PDCD11: variants seen among roughly 807,000 people sequenced by gnomAD.
PDCD11 encodes the protein programmed cell death 11.
Under a neutral mutation model 198.9 loss-of-function variants are expected in PDCD11, and 97 were observed. That is an observed-to-expected ratio of 0.49 (90% CI 0.41 to 0.58). The LOEUF is 0.58. Among genes scored for constraint, PDCD11 ranks in the 20% least tolerant of loss-of-function variants. The pLI is 0.00. For synonymous variants in PDCD11, 893 were observed against 918.0 expected (o/e 0.97, Z 0.49); for missense variants, 2,102 against 2,312.7 (o/e 0.91, Z 1.87).
chr10:103,439,630 T>C (rs1592141242), intron 27 of PDCD11, 116 bp from the exon 28 acceptor site: 41 of 1,167,982 alleles, frequency 3.5e-5, no homozygotes, highest in Middle Eastern at 3.9e-4. Context: ...CAGGAACTTA[T>C]GTCTGTCACA....
At chr10:103,418,690 G>A (rs1441838793) in intron 15 of PDCD11, 56 bp downstream of exon 15, 2 of 1,450,724 alleles carry the variant, frequency 1.4e-6, no homozygotes, top group African/African-American at 2.8e-5. Context: ...TGGGTGCTTG[G>A]ATGGGAAATT....
At chr10:103,419,511 G>C (rs2031302460) in intron 15 of PDCD11, 27 bp from the exon 16 acceptor site, 2 of 1,604,400 alleles carry the variant, frequency 1.2e-6, no homozygotes, top group African/African-American at 2.7e-5. Flanking sequence ...GCCCTTTCTG[G>C]AACATTCCTT....
chr10:103,444,122 AGG>A, intron 34 of PDCD11, 54 bp downstream of exon 34: 1 of 1,502,212 alleles, frequency 6.7e-7, no homozygotes, highest in East Asian at 2.3e-5. Context: ...ATCGGGGAGT[AGG>A]AACTGGCTGT....
chr10:103,404,950 C>A, intron 4 of PDCD11, 72 bp from the exon 5 acceptor site: 2 of 1,452,344 alleles, frequency 1.4e-6, no homozygotes, highest in South Asian at 1.3e-5. Context: ...AGTCACTGAG[C>A]CAAAGCTGGG....
At chr10:103,406,170 A>C in intron 6 of PDCD11, 62 bp downstream of exon 6, 4 of 1,579,978 alleles carry the variant, frequency 2.5e-6, no homozygotes, top group Non-Finnish European at 3.5e-6. Flanking sequence ...GATTATATTT[A>C]AGTGCCATTT....
At position 103,444,610 on chromosome 10, in the gene PDCD11, A is replaced by T; in HGVS notation, c.5372A>T (p.Tyr1791Phe). Residue 1791 changes from tyrosine (Y) to phenylalanine (F), a missense_variant, in exon 35 of 36, where the codon TAC (tyrosine) becomes TTC (phenylalanine). Transcript: ENST00000369797. ...ATTTTTGAGAACACGCTGAGCACCT[A>T]CCCAAAGCGCACAGATGTCTGGTCG... ...KAIFENTLST[Y>F]PKRTDVWSVY... 3 of 1,614,156 alleles carry T rather than the reference A, an allele frequency of 1.9e-6. No individual in the cohort carries two copies. Among genetic ancestry groups the T allele is most frequent in the Non-Finnish European group, 2.5e-6 (3 of 1,180,024 alleles).
chr10:103,402,473 T>C (rs980017103), intron 3 of PDCD11, among the ~76,000 whole-genome samples: 3 of 152,174 alleles, frequency 2.0e-5, no homozygotes, highest in African/African-American at 7.2e-5. Context: ...AGTTTCACTC[T>C]TGTTGCCCAG....
At chr10:103,396,966 C>T (rs2093439363) in intron 1 of PDCD11, among the ~76,000 whole-genome samples, 1 of 152,098 alleles carries the variant, frequency 6.6e-6, no homozygotes, top group African/African-American at 2.4e-5. Flanking sequence ...TTTCCCCTTG[C>T]TTGAAAGGAA....
intron 34 of PDCD11, 100 bp downstream of exon 34, chr10:103,444,168 G>C: frequency 2.0e-6 from 2 of 1,012,834 alleles, no homozygotes; most frequent in Non-Finnish European, 2.9e-6. Context: ...AGAGCCTTGT[G>C]AGGGCTTTCC....
At chr10:103,431,033 T>G (rs961761709) in intron 21 of PDCD11, among the ~76,000 whole-genome samples, 5 of 151,836 alleles carry the variant, frequency 3.3e-5, no homozygotes, top group African/African-American at 1.2e-4. Context: ...CTCCTGACCT[T>G]AGGTGATCCA....
In PDCD11 at chr10:103,416,520, G is replaced by C; in HGVS notation, c.1548G>C (p.Lys516Asn). The C allele has an allele frequency of 3.1e-6, 5 of 1,614,122 alleles. No individual in the cohort carries two copies. Among genetic ancestry groups the C allele is most frequent in the Non-Finnish European group, 3.4e-6 (4 of 1,180,020 alleles). Residue 516 changes from lysine to asparagine, a missense_variant, in exon 13 of 36, where the codon AAG becomes AAC. Lys to Asn is a moderately conservative substitution (Grantham distance 94, BLOSUM62 0). Transcript: ENST00000369797. ...RVLLCDPEAK[K>N]LMMTLKKTLI... ...TGCTTTGTGACCCTGAAGCCAAGAA[G>C]CTGATGATGACCCTGAAAAAAACCC...
intron 20 of PDCD11, among the ~76,000 whole-genome samples, chr10:103,426,134 G>A (rs1239431444): frequency 6.6e-6 from 1 of 152,140 alleles, no homozygotes; most frequent in African/African-American, 2.4e-5. Flanking sequence ...TACTTTGTAG[G>A]GCCATGGTGA....
In PDCD11 at chr10:103,438,688, C is replaced by A; in HGVS notation, c.3905C>A (p.Thr1302Lys). ...ATGTAAGCCTTTTATTCCTTTAGAA[C>A]AAACCCGGAGACGAAAAGCAAAGTA... ...VLTLSLRSSR[T>K]NPETKSKVED... Residue 1302 changes from threonine to lysine, a missense_variant and splice_region_variant, in exon 27 of 36, where the codon ACA becomes AAA. Transcript: ENST00000369797. The A allele has an allele frequency of 1.9e-6, 3 of 1,614,154 alleles. No individual in the cohort carries two copies. Among genetic ancestry groups the A allele is most frequent in the Non-Finnish European group, 2.5e-6 (3 of 1,180,018 alleles).
chr10:103,408,463 A>T (rs1267240671), intron 7 of PDCD11, among the ~76,000 whole-genome samples: 1 of 152,174 alleles, frequency 6.6e-6, no homozygotes, highest in Non-Finnish European at 1.5e-5. Context: ...TGAGTGAGGT[A>T]CTAAAAAACT....
chr10:103,445,836 T>G lies in PDCD11; in HGVS notation c.*287T>G. 2.8e-6 allele frequency: 1 copy of G among 351,500 alleles called. No homozygotes were observed. 21.8% of individuals were successfully genotyped at this position (351,500 alleles called of 1,614,324 possible). ...CTCCCAGAAATGCTGAGGGTCCCTC[T>G]TCCAGGGGAGTTCCCTGGGGAGCAA... is the stretch of plus-strand genomic sequence containing the variant. On this transcript the variant is annotated 3_prime_UTR_variant, in exon 36 of 36. Coordinates refer to ENST00000369797, the MANE Select transcript of PDCD11 (RefSeq NM_014976.2).
At position 103,425,363 on chromosome 10, in the gene PDCD11, C is replaced by G. The variant is rs1227629701; in HGVS notation, c.3143C>G (p.Pro1048Arg). Residue 1048 changes from proline to arginine, a missense_variant, in exon 20 of 36, where the codon CCT becomes CGT. Transcript: ENST00000369797. The stretch of plus-strand genomic sequence containing the variant: ...ACAGGGACTGTCAAGTCCATTAAGC[C>G]TACCCATGTGGTTGTGACTCTGGAA... ...MVTGTVKSIK[P>R]THVVVTLEDG... is the part of the protein sequence containing the mutation. The G allele has an allele frequency of 1.2e-6, 2 of 1,614,186 alleles. No homozygotes were observed. The highest frequency in any genetic ancestry group is 1.7e-6 in the Non-Finnish European group (2 of 1,180,034).
intron 19 of PDCD11, among the ~76,000 whole-genome samples, chr10:103,423,944 G>A (rs1004723461): frequency 6.6e-6 from 1 of 152,208 alleles, no homozygotes; most frequent in Non-Finnish European, 1.5e-5. Flanking sequence ...GCTGGCCTGG[G>A]ACTCTGACGA....
intron 13 of PDCD11, 81 bp downstream of exon 13, chr10:103,416,823 C>T (rs1458650808): frequency 3.3e-6 from 5 of 1,507,164 alleles, no homozygotes; most frequent in Non-Finnish European, 4.5e-6. Flanking sequence ...AGTAGTGGGG[C>T]TGCCTTTAGG....
chr10:103,414,139 T>G (rs544231694), intron 10 of PDCD11, 49 bp downstream of exon 10: 1 of 1,590,392 alleles, frequency 6.3e-7, no homozygotes, highest in Admixed American at 1.7e-5. Context: ...CACCTGTACA[T>G]GTTCATATTC....
Sources: gnomAD v4.1 joint callset for allele counts (sites outside exome capture counted in the v4.1 genomes callset) on GRCh38, gnomAD v4.1.1 for gene constraint, MANE v1.5 for transcripts, NCBI Gene and HGNC (gene_info 2026-07-23, HGNC 2026-07-21) for gene names.